The following PREX1 variants were observed in gnomAD, a reference collection of about 807,000 sequenced individuals.
PREX1 encodes phosphatidylinositol-3,4,5-trisphosphate dependent Rac exchange factor 1.
In PREX1, 41 loss-of-function variants were observed where a neutral mutation model predicts 198.3. The ratio of observed to expected loss-of-function variants is 0.21; its 90% confidence interval spans 0.16 to 0.27. The LOEUF (loss-of-function observed/expected upper bound fraction) is 0.27. PREX1 is among the 10% of genes least tolerant of loss of function. The pLI, the probability that PREX1 is intolerant of heterozygous loss-of-function variation, is 1.00. For missense variants in PREX1, 1,620 were observed against 2,200.7 expected, an observed-to-expected ratio of 0.74 and a Z score of 5.28; for synonymous variants, 843 against 887.2, an observed-to-expected ratio of 0.95 and a Z score of 0.89.
intron 13 of PREX1, among the ~76,000 whole-genome samples, chr20:48,678,070 T>C (rs2089721802): frequency 6.6e-6 from 1 of 151,194 alleles, no homozygotes; most frequent in African/African-American, 2.4e-5. Context: ...TTCCAGCACT[T>C]TGGGAGGCCA....
At chr20:48,728,477 A>G (rs149392666) in intron 4 of PREX1, among the ~76,000 whole-genome samples, 4 of 152,244 alleles carry the variant, frequency 2.6e-5, no homozygotes, top group Admixed American at 2.6e-4. Flanking sequence ...AATTCTGGGG[A>G]CCCCAGGTCC....
In PREX1 at chr20:48,650,183, C is replaced by T; in HGVS notation, c.2841G>A (p.Arg947=). The part of the protein sequence containing the change: ...YQEFAAQLKS[R]VSPPFKQAPL... Reference sequence around the variant, plus strand: ...GGGCTTGTTTGAAGGGTGGGCTGACCCTGCTCTTCAGTTGGGCTGCAAACT... The same window carrying T: ...GGGCTTGTTTGAAGGGTGGGCTGACTCTGCTCTTCAGTTGGGCTGCAAACT... The change falls in exon 24 of 40, where the codon AGG becomes AGA. Residue 947 remains arginine (R), a synonymous_variant. Transcript: ENST00000371941. 6.2e-7 allele frequency: 1 copy of T among 1,613,294 alleles called. No homozygotes were observed. The highest frequency in any genetic ancestry group is 8.5e-7 in the Non-Finnish European group (1 of 1,179,684).
At chr20:48,826,593 C>T (rs907232060) in intron 1 of PREX1, among the ~76,000 whole-genome samples, 6 of 152,228 alleles carry the variant, frequency 3.9e-5, no homozygotes, top group Non-Finnish European at 7.3e-5. Context: ...CAGTAGCTCA[C>T]GCCTGTAATC....
rs143253438 is a variant in PREX1, at chr20:48,702,166, C to T, written c.784-1280G>A. Reference sequence around the variant, plus strand: ...AAGGTTGCAGTGAGCTGAGATAACGCCACTGAACTCCAGCCTGGGCGACTG... The same window carrying T: ...AAGGTTGCAGTGAGCTGAGATAACGTCACTGAACTCCAGCCTGGGCGACTG... On this transcript the variant is annotated intron_variant, in intron 6 of 39. Coordinates refer to ENST00000371941, the MANE Select transcript of PREX1 (RefSeq NM_020820.4). Among the ~76,000 whole-genome samples the T allele has an allele frequency of 4.6e-4, 70 of 150,572 alleles. 1 individual carries two copies. The highest frequency in any genetic ancestry group is 1.6e-3 in the African/African-American group (67 of 40,936).
At chr20:48,676,378 C>T (rs943068307) in intron 13 of PREX1, 110 bp from the exon 14 acceptor site, 1 of 997,672 alleles carries the variant, frequency 1.0e-6, no homozygotes, top group Non-Finnish European at 1.6e-6. Flanking sequence ...TCTCCAGGCT[C>T]TCTAGGCATT....
chr20:48,765,565 C>T (rs971150199), intron 1 of PREX1, among the ~76,000 whole-genome samples: 3 of 152,194 alleles, frequency 2.0e-5, no homozygotes, highest in Non-Finnish European at 2.9e-5. Context: ...CAGGAGGAAG[C>T]GACTCCTACA....
chr20:48,687,360 G>A (rs562802077), intron 10 of PREX1, among the ~76,000 whole-genome samples: 1 of 152,354 alleles, frequency 6.6e-6, no homozygotes, highest in Non-Finnish European at 1.5e-5. Flanking sequence ...TCTCAAAGGA[G>A]CAACTGCAGC....
At chr20:48,649,864 A>G (rs550220716) in intron 24 of PREX1, 132 bp downstream of exon 24, 1 of 1,101,044 alleles carries the variant, frequency 9.1e-7, no homozygotes, top group East Asian at 2.5e-5. Context: ...TGTCCCATAA[A>G]GAGAGAAGGT....
chr20:48,783,049 C>G (rs73258485), intron 1 of PREX1, among the ~76,000 whole-genome samples: 2,464 of 152,314 alleles, frequency 0.016, 69 homozygotes, highest in African/African-American at 0.057. Flanking sequence ...TTACACAGCG[C>G]TGCCACTCAC....
At chr20:48,773,826 C>A (rs1405427237) in intron 1 of PREX1, among the ~76,000 whole-genome samples, 1 of 152,080 alleles carries the variant, frequency 6.6e-6, no homozygotes, top group African/African-American at 2.4e-5. Context: ...CAGGATCTGA[C>A]CTGAGTTCTT....
At chr20:48,695,177 CCT>C (rs2089839123) in intron 7 of PREX1, among the ~76,000 whole-genome samples, 1 of 152,202 alleles carries the variant, frequency 6.6e-6, no homozygotes, top group South Asian at 2.1e-4. Context: ...GCCCTCTTCC[CCT>C]GACAAGGGTA....
At chr20:48,671,900 G>C (rs1303151937) in intron 14 of PREX1, among the ~76,000 whole-genome samples, 1 of 152,250 alleles carries the variant, frequency 6.6e-6, no homozygotes, top group Non-Finnish European at 1.5e-5. Flanking sequence ...CTGCTGAAGT[G>C]GATGGACACA....
At chr20:48,697,376 T>C (rs1171522154) in intron 7 of PREX1, among the ~76,000 whole-genome samples, 1 of 123,626 alleles carries the variant, frequency 8.1e-6, no homozygotes, top group Admixed American at 9.1e-5. Context: ...GTGTTCTTTT[T>C]TTCTTTTCTT....
At chr20:48,636,133 A>T (rs890777694) in intron 32 of PREX1, among the ~76,000 whole-genome samples, 1 of 152,108 alleles carries the variant, frequency 6.6e-6, no homozygotes, top group Non-Finnish European at 1.5e-5. Context: ...CACAACCAAA[A>T]ACATCTCCAG....
chr20:48,794,550 G>C (rs1366788966), intron 1 of PREX1, among the ~76,000 whole-genome samples: 1 of 152,218 alleles, frequency 6.6e-6, no homozygotes, highest in Non-Finnish European at 1.5e-5. Context: ...CCCATCAGTG[G>C]GTGGTGGGGG....
chr20:48,647,289 A>G (rs916890359), intron 25 of PREX1, among the ~76,000 whole-genome samples: 3 of 152,136 alleles, frequency 2.0e-5, no homozygotes, highest in African/African-American at 7.2e-5. Flanking sequence ...TTGGGAGGCC[A>G]AGGCGGGTGG....
At chr20:48,880,981 T>TAAAAAAAAAAAAAAAAA in the PREX1 span, among the ~76,000 whole-genome samples, 11 of 20,996 alleles carry the variant, frequency 5.2e-4, no homozygotes, top group African/African-American at 7.8e-4. Flanking sequence ...AAACCATTGC[T>TAAAAAAAAAAAAAAAAA]AAAAAAAAAA....
Position 48,672,072 on chromosome 20 carries a change from C to T in PREX1, c.1665+4121G>A, listed in dbSNP as rs367572441. 1.0e-3 allele frequency among the ~76,000 whole-genome samples: 157 copies of T among 152,328 alleles called. No individual in the cohort carries two copies. The Middle Eastern group carries it at 0.014, about 13-fold the overall frequency. ...ACAACTCCTCGGCCAGCACTGGCCA[C>T]GAGAAAGCCCCCCGCATGCCCAGCA... On this transcript the variant is annotated intron_variant, in intron 14 of 39. Coordinates refer to ENST00000371941, the MANE Select transcript of PREX1 (RefSeq NM_020820.4).
chr20:48,815,345 T>G (rs564853758), intron 1 of PREX1, among the ~76,000 whole-genome samples: 1 of 152,190 alleles, frequency 6.6e-6, no homozygotes, highest in African/African-American at 2.4e-5. Flanking sequence ...TCTTTTCAAA[T>G]GTACATGAAA....
Sources: gnomAD v4.1 joint callset for allele counts (sites outside exome capture counted in the v4.1 genomes callset) on GRCh38, gnomAD v4.1.1 for gene constraint, MANE v1.5 for transcripts, NCBI Gene and HGNC (gene_info 2026-07-23, HGNC 2026-07-21) for gene names.